The following LRRC37B variants were observed in gnomAD, a reference collection of about 807,000 sequenced individuals.
LRRC37B encodes the protein leucine rich repeat containing 37B.
In LRRC37B, 28 loss-of-function variants were observed where a neutral mutation model predicts 98.3. The ratio of observed to expected loss-of-function variants is 0.28; its 90% CI spans 0.21 to 0.39. The LOEUF is 0.39. LRRC37B is among the 10% of genes least tolerant of loss of function. The pLI is 1.00. For missense variants in LRRC37B, 938 were observed against 1,182.7 expected (o/e 0.79, Z 3.03); for synonymous variants, 364 against 442.7 (o/e 0.82, Z 2.23).
intron 1 of LRRC37B, among the ~76,000 whole-genome samples, chr17:32,009,114 GT>G (rs566404975): frequency 8.1e-5 from 12 of 147,750 alleles, no homozygotes; most frequent in African/African-American, 1.5e-4. Flanking sequence ...GTTTTTGTTG[GT>G]TTTTTTTTTA....
intron 5 of LRRC37B, among the ~76,000 whole-genome samples, chr17:32,032,724 A>G (rs1287262390): frequency 4.6e-5 from 7 of 152,174 alleles, no homozygotes; most frequent in Admixed American, 4.6e-4. Flanking sequence ...CTTAGGGAAG[A>G]CACACTGAGG....
chr17:32,032,332 A>G (rs1480593118), intron 5 of LRRC37B, among the ~76,000 whole-genome samples: 1 of 152,030 alleles, frequency 6.6e-6, no homozygotes, highest in African/African-American at 2.4e-5. Flanking sequence ...GTGAGCCACC[A>G]TGCCTGGCCA....
At chr17:32,008,743 T>A (rs1910465863) in intron 1 of LRRC37B, among the ~76,000 whole-genome samples, 1 of 152,218 alleles carries the variant, frequency 6.6e-6, no homozygotes, top group South Asian at 2.1e-4. Flanking sequence ...TTGTTTTTAT[T>A]CTTCGAGTGC....
At chr17:32,024,634 G>A in intron 1 of LRRC37B, 77 bp from the exon 5 acceptor site, 1 of 1,604,610 alleles carries the variant, frequency 6.2e-7, no homozygotes, top group Non-Finnish European at 8.5e-7. Context: ...TCCCCGACAA[G>A]GTTGCCATGA....
intron 1 of LRRC37B, among the ~76,000 whole-genome samples, chr17:32,009,538 G>A (rs1055195974): frequency 9.2e-5 from 14 of 152,168 alleles, no homozygotes; most frequent in Non-Finnish European, 2.9e-5. Context: ...CTCCCAAAGT[G>A]CTGAGATGAC....
At chr17:32,034,472 ACC>A (rs10543064) in intron 5 of LRRC37B, among the ~76,000 whole-genome samples, 20,828 of 138,712 alleles carry the variant, frequency 0.15, 1,653 homozygotes, top group African/African-American at 0.19. Context: ...ATTGCTGTCC[ACC>A]GCCTGGGTGA....
At chr17:32,021,371 G>A (rs753979479) in exon 1 of LRRC37B, 1 of 1,613,974 alleles carries the variant, frequency 6.2e-7, no homozygotes. Flanking sequence ...TTGATTACCT[G>A]GGGCCCTCTG....
intron 8 of LRRC37B, among the ~76,000 whole-genome samples, chr17:32,046,625 A>G (rs965379257): frequency 7.8e-6 from 1 of 127,754 alleles, no homozygotes; most frequent in Non-Finnish European, 1.6e-5. Flanking sequence ...TTTACCAATT[A>G]TATTCTTCCC....
At chr17:32,015,690 T>C (rs1050621493) in intron 1 of LRRC37B, among the ~76,000 whole-genome samples, 1 of 152,250 alleles carries the variant, frequency 6.6e-6, no homozygotes, top group African/African-American at 2.4e-5. Flanking sequence ...GGCATGACTT[T>C]ACCTCTGCAC....
At chr17:32,023,008 G>A (rs1353387858) in intron 1 of LRRC37B, among the ~76,000 whole-genome samples, 183 bp downstream of exon 4, 2 of 151,878 alleles carry the variant, frequency 1.3e-5, no homozygotes, top group East Asian at 3.8e-4. Flanking sequence ...CCATTCTCCA[G>A]TCTTTTACTT....
chr17:32,041,763 C>T (rs1242433237), intron 7 of LRRC37B: 3 of 458,018 alleles, frequency 6.5e-6, no homozygotes, highest in Non-Finnish European at 1.3e-5. Flanking sequence ...CGGCTCCCTT[C>T]CTCACTCCAT....
exon 10 of LRRC37B, chr17:32,049,255 C>T (rs199877645): frequency 1.9e-5 from 30 of 1,613,082 alleles, no homozygotes; most frequent in Non-Finnish European, 2.5e-5. Flanking sequence ...ATGTTGCGAA[C>T]AGGCCTCCTG....
At chr17:32,024,993 A>G (rs1037379258) in intron 2 of LRRC37B, among the ~76,000 whole-genome samples, 1 of 142,912 alleles carries the variant, frequency 7.0e-6, no homozygotes, top group Non-Finnish European at 1.6e-5. Flanking sequence ...ATTTTTTATC[A>G]TACAAATAAT....
chr17:32,009,055 A>G (rs751431427), intron 1 of LRRC37B, among the ~76,000 whole-genome samples: 8 of 152,102 alleles, frequency 5.3e-5, no homozygotes, highest in Non-Finnish European at 8.8e-5. Flanking sequence ...CTGCAAATGT[A>G]TGAAGAGTTC....
At chr17:32,049,467 G>C in intron 10 of LRRC37B, 73 bp downstream of exon 13, 1 of 1,481,392 alleles carries the variant, frequency 6.8e-7, no homozygotes, top group Non-Finnish European at 9.0e-7. Flanking sequence ...GCCCACATAG[G>C]AGAACCTGGG....
At chr17:32,040,918 G>T in intron 7 of LRRC37B, 3 of 955,168 alleles carry the variant, frequency 3.1e-6, no homozygotes, top group Non-Finnish European at 5.2e-6. Context: ...GAGGGCCGCC[G>T]CCTGGACTTT....
upstream of LRRC37B, chr17:32,020,655 C>A: frequency 2.8e-6 from 1 of 354,852 alleles, no homozygotes; most frequent in Non-Finnish European, 4.2e-6. Context: ...ATGACTGTAA[C>A]GCGCGTCCTG....
intron 2 of LRRC37B, among the ~76,000 whole-genome samples, chr17:32,027,440 T>C (rs1564768): frequency 1.5e-5 from 2 of 136,224 alleles, no homozygotes; most frequent in Non-Finnish European, 3.0e-5. Flanking sequence ...CCTGTGTGTG[T>C]GTGCTTGCCT....
At chr17:32,051,147 A>G (rs1328297029) in intron 11 of LRRC37B, 1 of 151,886 alleles carries the variant, frequency 6.6e-6, no homozygotes, top group East Asian at 1.9e-4. Context: ...AGTCCTGTGA[A>G]TCTCTCCAAA....
Sources: gnomAD v4.1 joint callset for allele counts (sites outside exome capture counted in the v4.1 genomes callset) on GRCh38, gnomAD v4.1.1 for gene constraint, MANE v1.5 for transcripts, NCBI Gene and HGNC (gene_info 2026-07-23, HGNC 2026-07-21) for gene names.